LRRC1: variants seen among roughly 807,000 people sequenced by gnomAD.
The protein encoded by LRRC1 is leucine-rich repeat-containing protein 1.
Under a neutral mutation model 69.9 loss-of-function variants are expected in LRRC1, and 28 were observed. That is an observed-to-expected ratio of 0.40 (90% confidence interval 0.30 to 0.55). LRRC1 has a LOEUF of 0.55. Among genes scored for constraint, LRRC1 ranks in the 20% least tolerant of loss-of-function variants. The pLI is 0.47. For synonymous variants in LRRC1, 236 were observed against 240.2 expected (o/e 0.98, Z 0.16); for missense variants, 498 against 609.0 (o/e 0.82, Z 1.92).
chr6:53,845,315 G>C (rs900572351), intron 2 of LRRC1, among the ~76,000 whole-genome samples: 4 of 152,184 alleles, frequency 2.6e-5, no homozygotes, highest in South Asian at 2.1e-4. Context: ...TGGTCAAGCA[G>C]ATCTCAGTAT....
intron 13 of LRRC1, 61 bp downstream of exon 13, chr6:53,920,822 C>A: frequency 6.4e-7 from 1 of 1,555,442 alleles, no homozygotes; most frequent in Non-Finnish European, 8.9e-7. Context: ...TAGAATGGCA[C>A]CTAATAAGGA....
chr6:53,884,689 C>A (rs1581898440), intron 4 of LRRC1, among the ~76,000 whole-genome samples: 1 of 152,020 alleles, frequency 6.6e-6, no homozygotes, highest in African/African-American at 2.4e-5. Context: ...TGATTCCTAC[C>A]CCTCTCCTTT....
At chr6:53,899,963 A>C in intron 8 of LRRC1, 72 bp downstream of exon 8, 1 of 1,345,646 alleles carries the variant, frequency 7.4e-7, no homozygotes, top group Non-Finnish European at 1.0e-6. Flanking sequence ...GCACACTTTG[A>C]TCCTTTGGTC....
intron 1 of LRRC1, among the ~76,000 whole-genome samples, chr6:53,803,799 A>T (rs1764559764): frequency 6.6e-6 from 1 of 152,210 alleles, no homozygotes; most frequent in Admixed American, 6.5e-5. Context: ...GTTACACCTA[A>T]TTACAGCATG....
At chr6:53,834,446 G>A (rs1765552114) in intron 1 of LRRC1, among the ~76,000 whole-genome samples, 1 of 152,170 alleles carries the variant, frequency 6.6e-6, no homozygotes, top group African/African-American at 2.4e-5. Flanking sequence ...TCCACCTCCA[G>A]CATGACTTAG....
chr6:53,799,647 A>G, intron 1 of LRRC1, among the ~76,000 whole-genome samples: 1 of 152,242 alleles, frequency 6.6e-6, no homozygotes, highest in East Asian at 1.9e-4. Context: ...TTCTATGAAC[A>G]TGACTTAAAG....
In LRRC1 at chr6:53,889,385, G is replaced by A. The variant is rs572455669; in HGVS notation, c.446+6409G>A. Among the ~76,000 whole-genome samples, 4 of 152,126 alleles carry A rather than the reference G, an allele frequency of 2.6e-5. No homozygotes were observed. The East Asian group carries it at 5.8e-4, about 22-fold the overall frequency. On this transcript the variant is annotated intron_variant, in intron 4 of 13. Coordinates refer to ENST00000370888, the MANE Select transcript of LRRC1 (RefSeq NM_018214.5). ...TATACTCAAAAGAATTGAAAACCTAGGAGGGTTATTATTGGCATTATTTAT... is the reference window on the plus strand; with the variant it reads ...TATACTCAAAAGAATTGAAAACCTAAGAGGGTTATTATTGGCATTATTTAT...
At chr6:53,816,474 A>G (rs540039117) in intron 1 of LRRC1, among the ~76,000 whole-genome samples, 1 of 151,106 alleles carries the variant, frequency 6.6e-6, no homozygotes. Context: ...AAAGAAACAT[A>G]TGGGAAAGAG....
rs987643671 is a variant in LRRC1, at chr6:53,888,089, A to G, written c.446+5113A>G. The stretch of plus-strand genomic sequence containing the variant: ...GAAATGTTGGTACAATGTGTGAATG[A>G]ATTTGTCTTTCAAAAGAACATTTTA... On this transcript the variant is annotated intron_variant, in intron 4 of 13. Transcript: ENST00000370888. 5.9e-5 allele frequency among the ~76,000 whole-genome samples: 9 copies of G among 152,332 alleles called. No homozygotes were observed. The East Asian group carries it at 1.5e-3, about 26-fold the overall frequency.
Position 53,905,639 on chromosome 6 carries a change from G to A in LRRC1, c.990+1177G>A, listed in dbSNP as rs139202715. On this transcript the variant is annotated intron_variant, in intron 10 of 13. Coordinates refer to ENST00000370888, the MANE Select transcript of LRRC1 (RefSeq NM_018214.5). The stretch of plus-strand genomic sequence containing the variant: ...GCCTTCCAGCCAGTCAGAACATGTG[G>A]CGTTCTTGTTTTCCTAGGGCCACAT... Among the ~76,000 whole-genome samples the A allele has an allele frequency of 1.2e-3, 179 of 152,172 alleles. 3 individuals are homozygous for A. Among genetic ancestry groups the A allele is most frequent in the African/African-American group, 4.0e-3 (164 of 41,492 alleles).
At chr6:53,829,366 A>G (rs1765366779) in intron 1 of LRRC1, among the ~76,000 whole-genome samples, 1 of 152,234 alleles carries the variant, frequency 6.6e-6, no homozygotes, top group Admixed American at 6.5e-5. Flanking sequence ...ATTTCTCATT[A>G]TTTTAGAGAT....
At chr6:53,904,492 A>G (rs754159492) in intron 10 of LRRC1, 30 bp downstream of exon 10, 1 of 1,345,510 alleles carries the variant, frequency 7.4e-7, no homozygotes, top group South Asian at 1.3e-5. Flanking sequence ...TCACATGATA[A>G]TAATTATGAA....
chr6:53,795,053 G>A lies in LRRC1; in HGVS notation c.-204G>A. On this transcript the variant is annotated 5_prime_UTR_variant, in exon 1 of 14. Coordinates refer to ENST00000370888, the MANE Select transcript of LRRC1 (RefSeq NM_018214.5). ...AGTGGAGGCACCGGCTGGCGGGCGG[G>A]GGTACAGGGACGGGGCAGGGGCTCC... is the stretch of plus-strand genomic sequence containing the variant. 1 of 431,864 alleles carries A rather than the reference G, an allele frequency of 2.3e-6. No individual in the cohort carries two copies. The highest frequency in any genetic ancestry group is 3.8e-5 in the East Asian group (1 of 26,622). The allele number at this position is 431,864 out of a possible 1,614,324, so 26.8% of individuals were successfully genotyped here.
chr6:53,896,735 A>G (rs1388884513), intron 5 of LRRC1, 94 bp from the exon 6 acceptor site: 1 of 996,126 alleles, frequency 1.0e-6, no homozygotes, highest in African/African-American at 1.6e-5. Context: ...ATAAAAATGG[A>G]CCTTATTTTT....
intron 2 of LRRC1, among the ~76,000 whole-genome samples, chr6:53,847,467 A>C (rs1166804294): frequency 6.6e-6 from 1 of 152,210 alleles, no homozygotes; most frequent in Non-Finnish European, 1.5e-5. Flanking sequence ...GGCAAATGGA[A>C]CTGCAGATAG....
chr6:53,903,371 G>C (rs1388001472), intron 9 of LRRC1, among the ~76,000 whole-genome samples: 2 of 151,992 alleles, frequency 1.3e-5, no homozygotes, highest in Non-Finnish European at 2.9e-5. Context: ...TGGGTGGGCA[G>C]GGTGGCAGCA....
chr6:53,919,331 C>T, intron 11 of LRRC1, 167 bp from the exon 12 acceptor site: 1 of 389,950 alleles, frequency 2.6e-6, no homozygotes, highest in Non-Finnish European at 4.3e-6. Context: ...GAGGAATCCA[C>T]TTGCAAAGAG....
intron 9 of LRRC1, among the ~76,000 whole-genome samples, chr6:53,903,065 G>A (rs751202337): frequency 6.6e-6 from 1 of 152,156 alleles, no homozygotes; most frequent in African/African-American, 2.4e-5. Flanking sequence ...GGTGCCCAGA[G>A]ACCACCACTG....
At chr6:53,851,816 A>G (rs2127419702) in intron 2 of LRRC1, among the ~76,000 whole-genome samples, 1 of 152,344 alleles carries the variant, frequency 6.6e-6, no homozygotes, top group East Asian at 1.9e-4. Flanking sequence ...TCCAAAGAGG[A>G]CAGGGTAGCC....
Sources: allele counts gnomAD v4.1 joint callset (sites outside exome capture counted in the v4.1 genomes callset), GRCh38; gene constraint gnomAD v4.1.1; transcripts MANE v1.5; gene names NCBI Gene and HGNC (gene_info 2026-07-23, HGNC 2026-07-21).